LTBP1: variants seen among roughly 807,000 people sequenced by gnomAD.
The protein encoded by LTBP1 is latent-transforming growth factor beta-binding protein 1.
LTBP1 carries 129 observed loss-of-function variants against 207.6 expected under a neutral mutation model. The observed-to-expected ratio is 0.62, with a 90% CI of 0.54 to 0.72. The LOEUF (loss-of-function observed/expected upper bound fraction) is 0.72. Ranked by LOEUF, LTBP1 falls within the 30% of genes least tolerant of loss-of-function variation. LTBP1 has a pLI of 0.00. For synonymous variants in LTBP1, 963 were observed against 833.7 expected (o/e 1.16, Z -2.67); for missense variants, 2,281 against 2,217.2 (o/e 1.03, Z -0.58).
intron 3 of LTBP1, among the ~76,000 whole-genome samples, chr2:33,058,741 A>G (rs1022564341): frequency 2.6e-5 from 4 of 152,210 alleles, no homozygotes; most frequent in East Asian, 1.9e-4. Context: ...TTTTTTGATT[A>G]TACGTTTGAT....
intron 3 of LTBP1, among the ~76,000 whole-genome samples, chr2:33,091,391 G>C (rs1279890449): frequency 6.6e-6 from 1 of 152,146 alleles, no homozygotes; most frequent in Non-Finnish European, 1.5e-5. Flanking sequence ...GTCTCTCTCT[G>C]TTTTAATGAT....
At chr2:33,398,321 T>C (rs624058) in intron 33 of LTBP1, 43 bp from the exon 34 acceptor site, 1,230,142 of 1,580,726 alleles carry the variant, frequency 0.78, 480,585 homozygotes, top group African/African-American at 0.91. Flanking sequence ...CCTCACAGAA[T>C]AATATCCAAG....
chr2:33,150,704 CTTTTTCTTTTTTTTTTT>C (rs2083446754), intron 5 of LTBP1, among the ~76,000 whole-genome samples: 1 of 108,842 alleles, frequency 9.2e-6, no homozygotes, highest in Non-Finnish European at 1.9e-5. Context: ...TTTCTTTTTT[CTTTTTCTTTTTTTTTTT>C]TTTTTTTTTT....
intron 3 of LTBP1, among the ~76,000 whole-genome samples, chr2:33,103,765 G>T (rs1449041469): frequency 2.0e-5 from 3 of 152,080 alleles, no homozygotes; most frequent in Non-Finnish European, 4.4e-5. Flanking sequence ...TAATTTACTT[G>T]AATGCCCATC....
intron 3 of LTBP1, among the ~76,000 whole-genome samples, chr2:33,022,265 C>CTTTTTTTTTTTTTTTTTTTTTTT (rs3047211): frequency 8.0e-6 from 1 of 125,236 alleles, no homozygotes. Context: ...CCTCAATCCT[C>CTTTTTTTTTTTTTTTTTTTTTTT]TTTTTTTTTT....
chr2:33,037,987 G>A (rs2076006582), intron 3 of LTBP1, among the ~76,000 whole-genome samples: 1 of 152,226 alleles, frequency 6.6e-6, no homozygotes, highest in Admixed American at 6.5e-5. Context: ...CCAAGGTGCT[G>A]GGCTTACAGG....
intron 4 of LTBP1, among the ~76,000 whole-genome samples, chr2:33,132,705 A>G (rs2081886154): frequency 1.3e-5 from 2 of 152,322 alleles, no homozygotes; most frequent in African/African-American, 4.8e-5. Context: ...GGTTAGAACC[A>G]CCGGTGAAGG....
intron 3 of LTBP1, among the ~76,000 whole-genome samples, chr2:33,096,592 A>G (rs1476713374): frequency 6.6e-6 from 1 of 152,190 alleles, no homozygotes; most frequent in Non-Finnish European, 1.5e-5. Flanking sequence ...GGTGCTTTGT[A>G]GTTTTCAGAG....
chr2:33,289,738 C>G (rs1347840322), intron 19 of LTBP1, among the ~76,000 whole-genome samples: 1 of 152,166 alleles, frequency 6.6e-6, no homozygotes, highest in African/African-American at 2.4e-5. Context: ...GCCTGTTGAA[C>G]TCATTATGTA....
At chr2:33,342,543 T>C (rs1283139647) in intron 24 of LTBP1, among the ~76,000 whole-genome samples, 1 of 152,248 alleles carries the variant, frequency 6.6e-6, no homozygotes, top group Non-Finnish European at 1.5e-5. Flanking sequence ...GTCGAGAACG[T>C]TTAGGTAATA....
At position 33,069,068 on chromosome 2, in the gene LTBP1, C is replaced by T. The variant is rs184120233; in HGVS notation, c.864-41514C>T. On this transcript the variant is annotated intron_variant, in intron 3 of 33. Transcript: ENST00000404816. ...GTTTGGGGCTCAGGATATTTTGCTC[C>T]GGAAGTTAAGCTTACTTAAAGTTTA... Among the ~76,000 whole-genome samples the T allele has an allele frequency of 2.2e-3, 341 of 152,280 alleles. 2 individuals carry two copies. The highest frequency in any genetic ancestry group is 0.017 in the Middle Eastern group (5 of 294).
At chr2:33,232,621 A>C (rs1479057700) in intron 9 of LTBP1, among the ~76,000 whole-genome samples, 2 of 152,154 alleles carry the variant, frequency 1.3e-5, no homozygotes, top group Non-Finnish European at 1.5e-5. Flanking sequence ...TTGCCAAATA[A>C]AATCCAGAAC....
At chr2:33,297,372 A>T (rs1033665181) in intron 20 of LTBP1, among the ~76,000 whole-genome samples, 5 of 151,956 alleles carry the variant, frequency 3.3e-5, no homozygotes, top group Admixed American at 6.6e-5. Context: ...CAGCTTCTAC[A>T]CGTCAGAGCT....
At chr2:33,365,919 A>C (rs942955965) in intron 31 of LTBP1, among the ~76,000 whole-genome samples, 2 of 152,208 alleles carry the variant, frequency 1.3e-5, no homozygotes, top group Non-Finnish European at 2.9e-5. Flanking sequence ...CCAAATTTTC[A>C]TGTCAATCTC....
At chr2:33,096,138 A>G (rs1255549729) in intron 3 of LTBP1, among the ~76,000 whole-genome samples, 1 of 152,216 alleles carries the variant, frequency 6.6e-6, no homozygotes, top group Non-Finnish European at 1.5e-5. Context: ...AGCCAGAGTC[A>G]TAAGACATAT....
At chr2:33,294,450 G>A (rs1013902296) in intron 20 of LTBP1, among the ~76,000 whole-genome samples, 1 of 151,884 alleles carries the variant, frequency 6.6e-6, no homozygotes, top group Non-Finnish European at 1.5e-5. Flanking sequence ...GCCCACCTAG[G>A]CCTCCCAAAT....
At chr2:33,254,805 T>A (rs13001959) in intron 11 of LTBP1, among the ~76,000 whole-genome samples, 14 of 101,776 alleles carry the variant, frequency 1.4e-4, no homozygotes, top group East Asian at 5.9e-4. Flanking sequence ...TGTCCATGTG[T>A]TCTCATTGTT....
intron 18 of LTBP1, among the ~76,000 whole-genome samples, chr2:33,278,607 G>A (rs1321488578): frequency 6.6e-6 from 1 of 152,184 alleles, no homozygotes; most frequent in Non-Finnish European, 1.5e-5. Flanking sequence ...AAGCCGAGGT[G>A]AGAGCAGGTA....
intron 2 of LTBP1, among the ~76,000 whole-genome samples, chr2:32,997,996 C>T (rs1685539999): frequency 6.6e-6 from 1 of 152,108 alleles, no homozygotes. Flanking sequence ...CAGACTGTTT[C>T]CAGTAAAGTT....
Sources: gnomAD v4.1 joint callset for allele counts (sites outside exome capture counted in the v4.1 genomes callset) on GRCh38, gnomAD v4.1.1 for gene constraint, MANE v1.5 for transcripts, NCBI Gene and HGNC (gene_info 2026-07-23, HGNC 2026-07-21) for gene names.